CFAP54: variants seen among roughly 807,000 people sequenced by gnomAD.
CFAP54 encodes cilia- and flagella-associated protein 54.
A neutral mutation model predicts 370.4 loss-of-function variants in CFAP54; 290 were observed. That is an observed-to-expected ratio of 0.78 (90% CI 0.71 to 0.86). The LOEUF (loss-of-function observed/expected upper bound fraction) is 0.86. Among genes scored for constraint, CFAP54 ranks in the 40% least tolerant of loss-of-function variants. The pLI, the probability that CFAP54 is intolerant of heterozygous loss-of-function variation, is 0.00. For synonymous variants in CFAP54, 1,206 were observed against 1,236.5 expected, an observed-to-expected ratio of 0.98 and a Z score of 0.52; for missense variants, 3,399 against 3,528.7, an observed-to-expected ratio of 0.96 and a Z score of 0.93.
chr12:96,533,181 G>A (rs528812150), intron 9 of CFAP54, among the ~76,000 whole-genome samples: 4 of 151,592 alleles, frequency 2.6e-5, no homozygotes, highest in African/African-American at 9.7e-5. Flanking sequence ...TCTCAGGCTG[G>A]ACTCAAACTT....
rs374279147 is a variant in CFAP54, at chr12:96,632,613, A to G, written c.4316+1962A>G. 4.6e-5 allele frequency among the ~76,000 whole-genome samples: 7 copies of G among 152,102 alleles called. 1 individual carries two copies. Among genetic ancestry groups the G allele is most frequent in the African/African-American group, 4.8e-5 (2 of 41,536 alleles). On this transcript the variant is annotated intron_variant, in intron 32 of 67. Transcript: ENST00000524981. ...AGTCTATTAACTTATTCCTGAGTCA[A>G]TATCAAACCATCATAATTACTCTAG...
intron 17 of CFAP54, among the ~76,000 whole-genome samples, chr12:96,559,098 C>T (rs1409663995): frequency 6.6e-6 from 1 of 152,054 alleles, no homozygotes; most frequent in Admixed American, 6.6e-5. Context: ...TGCCTGTAAT[C>T]CCAGCTACTT....
intron 5 of CFAP54, among the ~76,000 whole-genome samples, chr12:96,514,327 A>G (rs752487160): frequency 8.5e-5 from 13 of 152,350 alleles, no homozygotes; most frequent in Non-Finnish European, 1.9e-4. Flanking sequence ...AATGGATAAC[A>G]TTAATTATGT....
At chr12:96,580,776 C>A in intron 21 of CFAP54, 87 bp downstream of exon 21, 2 of 1,118,792 alleles carry the variant, frequency 1.8e-6, no homozygotes, top group Admixed American at 3.1e-5. Flanking sequence ...TGGTGAATCT[C>A]TCTAATTTCC....
At position 96,718,642 on chromosome 12, in the gene CFAP54, G is replaced by T. The variant is rs976591242; in HGVS notation, c.6804+120G>T. The T allele has an allele frequency of 7.2e-5, 43 of 600,620 alleles. 1 individual carries two copies. The South Asian group carries it at 8.2e-4, about 11-fold the overall frequency. The allele number at this position is 600,620 out of a possible 1,614,324, so 37.2% of individuals were successfully genotyped here. A position where few individuals can be genotyped will look rare whatever the true frequency, so the allele number is the denominator to read the frequency against. On this transcript the variant is annotated intron_variant, in intron 49 of 67. Transcript: ENST00000524981. ...TGTGAGAGCAGTTACCTTTTCTTGT[G>T]TAAGAATGGGTTGGAGCCAGAGGTG...
intron 45 of CFAP54, among the ~76,000 whole-genome samples, chr12:96,697,464 A>T (rs2136572859): frequency 6.6e-6 from 1 of 152,316 alleles, no homozygotes; most frequent in South Asian, 2.1e-4. Context: ...AGACCAAAGT[A>T]TGCAACTCAA....
intron 32 of CFAP54, among the ~76,000 whole-genome samples, chr12:96,639,534 A>G (rs815914): frequency 0.15 from 22,274 of 152,206 alleles, 2,112 homozygotes; most frequent in East Asian, 0.44. Flanking sequence ...TTCTGAAACT[A>G]TTCCAATCAA....
intron 40 of CFAP54, among the ~76,000 whole-genome samples, chr12:96,684,022 C>T (rs1294560075): frequency 6.6e-6 from 1 of 152,124 alleles, no homozygotes; most frequent in Non-Finnish European, 1.5e-5. Flanking sequence ...GAACTTCTGA[C>T]CTCAGGTGAT....
chr12:96,763,876 T>C (rs1958366165), intron 58 of CFAP54, among the ~76,000 whole-genome samples: 1 of 152,212 alleles, frequency 6.6e-6, no homozygotes, highest in Admixed American at 6.5e-5. Context: ...TTTAACTACC[T>C]TAAAACTTGG....
At position 96,784,698 on chromosome 12, in the gene CFAP54, A is replaced by C; in HGVS notation, c.8282-19A>C. The C allele has an allele frequency of 6.7e-7, 1 of 1,481,910 alleles. No homozygotes were observed. Among genetic ancestry groups the C allele is most frequent in the Non-Finnish European group, 8.9e-7 (1 of 1,121,392 alleles). 91.8% of individuals were successfully genotyped at this position (1,481,910 alleles called of 1,614,324 possible). On this transcript the variant is annotated intron_variant, in intron 60 of 67. Transcript: ENST00000524981. ...CATAATATAATATTGTATTACAAAA[A>C]AAAGTTTTTCACTTTCAGACAACTA...
intron 60 of CFAP54, among the ~76,000 whole-genome samples, chr12:96,772,216 T>A (rs1426401871): frequency 6.6e-6 from 1 of 152,206 alleles, no homozygotes; most frequent in African/African-American, 2.4e-5. Context: ...TTATTACCAG[T>A]CTATTAGTGT....
chr12:96,853,564 T>C (rs192419442), intron 66 of CFAP54, among the ~76,000 whole-genome samples: 20 of 152,296 alleles, frequency 1.3e-4, no homozygotes, highest in Admixed American at 1.2e-3. Flanking sequence ...AAAAGAATTT[T>C]TACTTTTTAC....
At chr12:96,490,634 G>T (rs1954870898) in intron 1 of CFAP54, among the ~76,000 whole-genome samples, 1 of 152,130 alleles carries the variant, frequency 6.6e-6, no homozygotes, top group Non-Finnish European at 1.5e-5. Context: ...AGAGGTTGCA[G>T]TGAGCTGGGA....
chr12:96,569,052 A>T (rs576956655), intron 19 of CFAP54, among the ~76,000 whole-genome samples: 1 of 145,736 alleles, frequency 6.9e-6, no homozygotes, highest in Non-Finnish European at 1.5e-5. Context: ...GATGTCCTTC[A>T]TCTTCTACTT....
intron 5 of CFAP54, among the ~76,000 whole-genome samples, chr12:96,518,047 A>G (rs1955259054): frequency 1.3e-5 from 2 of 152,208 alleles, no homozygotes; most frequent in Non-Finnish European, 2.9e-5. Context: ...CTAGCATGTC[A>G]TGTACGTTGT....
intron 63 of CFAP54, among the ~76,000 whole-genome samples, chr12:96,804,981 A>G (rs550869591): frequency 2.6e-5 from 4 of 152,174 alleles, no homozygotes; most frequent in African/African-American, 4.8e-5. Context: ...GTTAACAAAA[A>G]TATACACTAA....
chr12:96,793,840 GC>G (rs1958730216), intron 63 of CFAP54, among the ~76,000 whole-genome samples: 1 of 151,934 alleles, frequency 6.6e-6, no homozygotes, highest in African/African-American at 2.4e-5. Flanking sequence ...ATGTTTGTTG[GC>G]CATTTGTATA....
At position 96,743,461 on chromosome 12, in the gene CFAP54, G is replaced by T. The variant is rs758706208; in HGVS notation, c.7279G>T (p.Ala2427Ser). The T allele has an allele frequency of 6.2e-7, 1 of 1,614,060 alleles. No homozygotes were observed. Among genetic ancestry groups the T allele is most frequent in the Non-Finnish European group, 8.5e-7 (1 of 1,179,962 alleles). ...INEVCMEAKSAGDTELQAEFL... is the reference protein window; with the variant it reads ...INEVCMEAKSSGDTELQAEFL... ...TGAAGTGTGTATGGAGGCAAAAAGC[G>T]CAGGGGACACGGAACTGCAGGCTGA... The change falls in exon 53 of 68, where the codon GCA becomes TCA. Residue 2427 changes from alanine to serine, a missense_variant. By Grantham distance (99) the Ala-to-Ser change is moderately conservative. Coordinates refer to ENST00000524981, the MANE Select transcript of CFAP54 (RefSeq NM_001306084.2).
intron 50 of CFAP54, among the ~76,000 whole-genome samples, chr12:96,733,596 C>A (rs1356949452): frequency 8.1e-6 from 1 of 123,506 alleles, no homozygotes; most frequent in East Asian, 2.4e-4. Flanking sequence ...TACATTTGAT[C>A]TATTGTTTAA....
Sources: gnomAD v4.1 joint callset for allele counts (sites outside exome capture counted in the v4.1 genomes callset) on GRCh38, gnomAD v4.1.1 for gene constraint, MANE v1.5 for transcripts, NCBI Gene and HGNC (gene_info 2026-07-23, HGNC 2026-07-21) for gene names.